Variants in PGPEP1 observed in about 807,000 individuals in gnomAD.
PGPEP1 encodes pyroglutamyl-peptidase 1.
A neutral mutation model predicts 24.1 loss-of-function variants in PGPEP1; 15 were observed. The ratio of observed to expected loss-of-function variants is 0.62; its 90% CI spans 0.42 to 0.96. The LOEUF (loss-of-function observed/expected upper bound fraction) is 0.96, where lower values mean the gene tolerates loss of function less well. PGPEP1 is among the 40% of genes least tolerant of loss of function. The pLI is 0.00. For synonymous variants in PGPEP1, 122 were observed against 116.4 expected (o/e 1.05, Z -0.31); for missense variants, 242 against 273.4 (o/e 0.89, Z 0.81).
rs558997484 is a variant in PGPEP1 at position 18,367,824 on chromosome 19, A to G, written c.*4241A>G. The G allele has an allele frequency of 6.6e-6, 1 of 152,236 alleles. No individual in the cohort carries two copies. The highest frequency in any genetic ancestry group is 6.6e-5 in the Admixed American group (1 of 15,254). The allele number at this position is 152,236 out of a possible 1,614,324, so 9.4% of individuals were successfully genotyped here. ...GTGTGAAGGAAATGTCCCAGATGGC[A>G]GTAGTTTCTCGGCAAGGAGGGGAAT... is the stretch of plus-strand genomic sequence containing the variant. On this transcript the variant is annotated 3_prime_UTR_variant, in exon 5 of 5. Transcript: ENST00000269919.
In PGPEP1 at chr19:18,369,445, C is replaced by CA. The variant is rs1971644888; in HGVS notation, c.*5864dup. ...TGACGATCCAGACCAGCGTCTGGCC[C>CA]AAGCCATTCAGAGGTGGGGTCTGGG... On this transcript the variant is annotated 3_prime_UTR_variant, in exon 5 of 5. Coordinates refer to ENST00000269919, the MANE Select transcript of PGPEP1 (RefSeq NM_017712.4). The CA allele has an allele frequency of 6.6e-6, 1 of 152,542 alleles. No individual in the cohort carries two copies. Among genetic ancestry groups the CA allele is most frequent in the Non-Finnish European group, 1.5e-5 (1 of 68,298 alleles). 9.4% of individuals were successfully genotyped at this position (152,542 alleles called of 1,614,324 possible).
chr19:18,356,306 C>T (rs1971184616), intron 3 of PGPEP1, among the ~76,000 whole-genome samples: 2 of 151,710 alleles, frequency 1.3e-5, no homozygotes, highest in South Asian at 4.2e-4. Flanking sequence ...TGATGGTGGG[C>T]GCCTGTAGTT....
intron 2 of PGPEP1, among the ~76,000 whole-genome samples, chr19:18,350,695 C>T (rs1312479263): frequency 1.3e-5 from 2 of 152,328 alleles, no homozygotes; most frequent in South Asian, 2.1e-4. Flanking sequence ...AAAGGATGCG[C>T]TGAGATCTCC....
At chr19:18,352,805 C>T (rs1388421265) in intron 2 of PGPEP1, among the ~76,000 whole-genome samples, 1 of 152,158 alleles carries the variant, frequency 6.6e-6, no homozygotes, top group Non-Finnish European at 1.5e-5. Flanking sequence ...ATCCTCCCGC[C>T]TCGGCCTCCC....
In PGPEP1 at chr19:18,364,577, G is replaced by C. The variant is rs531091650; in HGVS notation, c.*994G>C. 6.6e-6 allele frequency: 1 copy of C among 152,336 alleles called. No homozygotes were observed. The highest frequency in any genetic ancestry group is 2.4e-5 in the African/African-American group (1 of 41,454). 9.4% of individuals were successfully genotyped at this position (152,336 alleles called of 1,614,324 possible). On this transcript the variant is annotated 3_prime_UTR_variant, in exon 5 of 5. Coordinates refer to ENST00000269919, the MANE Select transcript of PGPEP1 (RefSeq NM_017712.4). ...TGCAGTGAGCTGAGATTGCACAGCTGCACTCCAGCCTGGGTGACAGAGCGA... is the reference window on the plus strand; with the variant it reads ...TGCAGTGAGCTGAGATTGCACAGCTCCACTCCAGCCTGGGTGACAGAGCGA...
rs983257049 is a variant in PGPEP1 at position 18,366,131 on chromosome 19, T to G, written c.*2548T>G. 1 of 152,166 alleles carries G rather than the reference T, an allele frequency of 6.6e-6. No individual in the cohort carries two copies. The highest frequency in any genetic ancestry group is 1.5e-5 in the Non-Finnish European group (1 of 68,060). 9.4% of individuals were successfully genotyped at this position (152,166 alleles called of 1,614,324 possible). A position where few individuals can be genotyped will look rare whatever the true frequency, so the allele number is the denominator to read the frequency against. On this transcript the variant is annotated 3_prime_UTR_variant, in exon 5 of 5. Coordinates refer to ENST00000269919, the MANE Select transcript of PGPEP1 (RefSeq NM_017712.4). ...CAACTTCAGGTTTCATCTTGCTCTA[T>G]TCCTCAAAGGTCTGGTCTGTGGGCC... is the stretch of plus-strand genomic sequence containing the variant.
intron 4 of PGPEP1, among the ~76,000 whole-genome samples, chr19:18,358,272 TTTTTTGAGACGGAG>T (rs1971245614): frequency 6.7e-6 from 1 of 148,410 alleles, no homozygotes; most frequent in Non-Finnish European, 1.5e-5. Context: ...TTTTTTTTTT[TTTTTTGAGACGGAG>T]TTTTGCTCTT....
In PGPEP1 at chr19:18,363,776, AT is replaced by A. The variant is rs916151500; in HGVS notation, c.*202del. The A allele has an allele frequency of 1.9e-4, 93 of 490,222 alleles. 1 individual carries two copies. The Admixed American group carries it at 2.0e-3, about 11-fold the overall frequency. The allele number at this position is 490,222 out of a possible 1,614,324, so 30.4% of individuals were successfully genotyped here. On this transcript the variant is annotated 3_prime_UTR_variant, in exon 5 of 5. Transcript: ENST00000269919. ...GGTTGATTCGAGGGAAGTGGTGAAA[AT>A]TTTTTTTTCTCCCATTTTCCTCCCT...
intron 4 of PGPEP1, among the ~76,000 whole-genome samples, chr19:18,358,677 G>A (rs1041450634): frequency 5.9e-5 from 9 of 151,854 alleles, no homozygotes; most frequent in African/African-American, 1.7e-4. Flanking sequence ...GTGCAATGGC[G>A]CCATCTCGGC....
intron 2 of PGPEP1, among the ~76,000 whole-genome samples, chr19:18,346,474 T>C (rs1345426979): frequency 6.6e-6 from 1 of 152,020 alleles, no homozygotes; most frequent in Non-Finnish European, 1.5e-5. Flanking sequence ...ACCCCCTAAG[T>C]ACTTCTCTGT....
chr19:18,347,777 G>T (rs1196714787), intron 2 of PGPEP1, among the ~76,000 whole-genome samples: 1 of 151,916 alleles, frequency 6.6e-6, no homozygotes, highest in Non-Finnish European at 1.5e-5. Flanking sequence ...GGGACTACAG[G>T]TGCACGCCAC....
At chr19:18,349,177 T>C (rs930264857) in intron 2 of PGPEP1, 1 of 868,572 alleles carries the variant, frequency 1.2e-6, no homozygotes, top group Non-Finnish European at 1.4e-6. Flanking sequence ...TTTGTTTGTT[T>C]GTTGTTTTTT....
In PGPEP1 at chr19:18,363,379, C is replaced by G; in HGVS notation, c.438-12C>G. The G allele has an allele frequency of 6.3e-7, 1 of 1,597,826 alleles. No individual in the cohort carries two copies. The highest frequency in any genetic ancestry group is 8.6e-7 in the Non-Finnish European group (1 of 1,166,370). ...TTGGTCTCTCTCTTACCCGCCACGCCCTGCGGCTTAGATATCTCTGCGACT... is the reference window on the plus strand; with the variant it reads ...TTGGTCTCTCTCTTACCCGCCACGCGCTGCGGCTTAGATATCTCTGCGACT... On this transcript the variant is annotated splice_polypyrimidine_tract_variant and intron_variant, in intron 4 of 4. Transcript: ENST00000269919.
Position 18,359,653 on chromosome 19 carries a change from G to A in PGPEP1, c.437+2038G>A, listed in dbSNP as rs141862024. On this transcript the variant is annotated intron_variant, in intron 4 of 4. Coordinates refer to ENST00000269919, the MANE Select transcript of PGPEP1 (RefSeq NM_017712.4). ...CTCCCAAGTAGCTGGGATTACAGGC[G>A]TGCGCCATCATTCCCAGCTAACTTT... is the stretch of plus-strand genomic sequence containing the variant. Among the ~76,000 whole-genome samples, 602 of 152,134 alleles carry A rather than the reference G, an allele frequency of 4.0e-3. 4 individuals carry two copies. Among genetic ancestry groups the A allele is most frequent in the African/African-American group, 0.014 (568 of 41,500 alleles).
intron 2 of PGPEP1, among the ~76,000 whole-genome samples, chr19:18,354,992 G>A (rs1335643697): frequency 8.0e-6 from 1 of 124,808 alleles, no homozygotes; most frequent in Non-Finnish European, 1.6e-5. Flanking sequence ...TTTTTGAGAC[G>A]GAGTGTTGCT....
At chr19:18,344,796 C>T (rs1970786663) in intron 2 of PGPEP1, among the ~76,000 whole-genome samples, 1 of 152,108 alleles carries the variant, frequency 6.6e-6, no homozygotes, top group East Asian at 1.9e-4. Context: ...TGAGTGGACA[C>T]AAAGCCGGGT....
At chr19:18,354,556 T>A (rs1568314163) in intron 2 of PGPEP1, among the ~76,000 whole-genome samples, 1 of 152,170 alleles carries the variant, frequency 6.6e-6, no homozygotes, top group African/African-American at 2.4e-5. Flanking sequence ...CTCACCCTGC[T>A]GCCCAGGCTG....
intron 2 of PGPEP1, among the ~76,000 whole-genome samples, chr19:18,348,535 G>A (rs1970928139): frequency 6.6e-6 from 1 of 152,070 alleles, no homozygotes; most frequent in Admixed American, 6.6e-5. Flanking sequence ...GGGACTTGGG[G>A]TGCCCTGCCC....
At chr19:18,347,363 C>A (rs1435571359) in intron 2 of PGPEP1, among the ~76,000 whole-genome samples, 2 of 140,338 alleles carry the variant, frequency 1.4e-5, no homozygotes, top group East Asian at 2.0e-4. Flanking sequence ...CTGTCTTAGC[C>A]CCTCAAAGTG....
Sources: allele counts gnomAD v4.1 joint callset (sites outside exome capture counted in the v4.1 genomes callset), GRCh38; gene constraint gnomAD v4.1.1; transcripts MANE v1.5; gene names NCBI Gene and HGNC (gene_info 2026-07-23, HGNC 2026-07-21).